The following TMEM74 variants were observed in gnomAD, a reference collection of about 807,000 sequenced individuals.
TMEM74 encodes the protein transmembrane protein 74.
In TMEM74, 13 loss-of-function variants were observed where a neutral mutation model predicts 18.1. That is an observed-to-expected ratio of 0.72 (90% CI 0.47 to 1.14). The LOEUF (loss-of-function observed/expected upper bound fraction) is 1.14, where lower values mean the gene tolerates loss of function less well. Ranked by LOEUF, TMEM74 falls within the 50% of genes most tolerant of loss-of-function variation. The probability of loss-of-function intolerance (pLI) is 0.00; values close to 1 mark genes in which losing one functional copy is unlikely to be tolerated. For missense variants in TMEM74, 372 were observed against 375.9 expected, an observed-to-expected ratio of 0.99 and a Z score of 0.09; for synonymous variants, 159 against 146.6, an observed-to-expected ratio of 1.08 and a Z score of -0.61.
intron 2 of TMEM74, among the ~76,000 whole-genome samples, chr8:108,609,824 A>G (rs60231103): frequency 6.6e-6 from 1 of 152,210 alleles, no homozygotes; most frequent in Admixed American, 6.5e-5. Flanking sequence ...CATCCCTTCC[A>G]TTAAAATCCT....
chr8:108,634,689 A>T (rs1363102939), intron 2 of TMEM74, among the ~76,000 whole-genome samples: 1 of 152,006 alleles, frequency 6.6e-6, no homozygotes, highest in Non-Finnish European at 1.5e-5. Flanking sequence ...GCATGTGGGG[A>T]AAGAGTTTCC....
At chr8:108,749,939 T>C (rs1813887951) in intron 1 of TMEM74, among the ~76,000 whole-genome samples, 1 of 152,088 alleles carries the variant, frequency 6.6e-6, no homozygotes, top group Admixed American at 6.6e-5. Flanking sequence ...GTCTTCAAAG[T>C]CTCCCTGCTT....
At chr8:108,705,470 C>T (rs1813387919) in intron 1 of TMEM74, among the ~76,000 whole-genome samples, 1 of 152,134 alleles carries the variant, frequency 6.6e-6, no homozygotes, top group Admixed American at 6.6e-5. Context: ...CTACCTCTAG[C>T]CCATATGGTT....
intron 1 of TMEM74, among the ~76,000 whole-genome samples, chr8:108,678,785 C>T (rs5007783): frequency 0.73 from 109,786 of 149,648 alleles, 40,945 homozygotes; most frequent in East Asian, 0.99. Context: ...TTAGGGTACA[C>T]ATGCACAATG....
chr8:108,764,828 C>T (rs1188136568), intron 1 of TMEM74, among the ~76,000 whole-genome samples: 1 of 152,134 alleles, frequency 6.6e-6, no homozygotes, highest in Non-Finnish European at 1.5e-5. Flanking sequence ...TCTTTAAAAA[C>T]ATTCTTTACT....
exon 4 of TMEM74, chr8:108,607,753 A>G (rs948059318): frequency 2.0e-5 from 3 of 152,200 alleles, no homozygotes; most frequent in African/African-American, 7.2e-5. Context: ...GTATTCTTTT[A>G]AGTTCTGCAA....
chr8:108,661,378 C>T (rs1330162771), intron 1 of TMEM74, among the ~76,000 whole-genome samples: 52 of 86,722 alleles, frequency 6.0e-4, no homozygotes, highest in Admixed American at 1.3e-3. Flanking sequence ...CCTTGCAGCT[C>T]TTTTTTTTTT....
At chr8:108,677,053 G>GT (rs916312028) in intron 1 of TMEM74, among the ~76,000 whole-genome samples, 1 of 152,200 alleles carries the variant, frequency 6.6e-6, no homozygotes, top group African/African-American at 2.4e-5. Context: ...GGCACTTACA[G>GT]TTTAACCTTC....
intron 1 of TMEM74, among the ~76,000 whole-genome samples, chr8:108,660,104 G>T (rs996226378): frequency 6.6e-6 from 1 of 152,072 alleles, no homozygotes; most frequent in Admixed American, 6.6e-5. Context: ...TTTGGCATCT[G>T]CTTCCAAAGA....
intron 1 of TMEM74, among the ~76,000 whole-genome samples, chr8:108,700,255 T>C (rs1045572926): frequency 2.6e-5 from 4 of 151,664 alleles, no homozygotes; most frequent in African/African-American, 9.7e-5. Flanking sequence ...GGGGGGATGT[T>C]AGCACCACTC....
intron 2 of TMEM74, among the ~76,000 whole-genome samples, chr8:108,649,280 C>T (rs2130569552): frequency 6.6e-6 from 1 of 152,144 alleles, no homozygotes; most frequent in Non-Finnish European, 1.5e-5. Flanking sequence ...TGCTTTGAGA[C>T]TCAGATGCAA....
chr8:108,740,626 G>A (rs890633235), intron 1 of TMEM74, among the ~76,000 whole-genome samples: 2 of 152,140 alleles, frequency 1.3e-5, no homozygotes, highest in African/African-American at 4.8e-5. Context: ...ATGTTTCTGT[G>A]TCACATTTTT....
intron 1 of TMEM74, among the ~76,000 whole-genome samples, chr8:108,703,710 C>T (rs57983314): frequency 0.029 from 4,473 of 152,242 alleles, 122 homozygotes; most frequent in African/African-American, 0.066. Context: ...CTACTACATG[C>T]CAGAAACTGT....
intron 2 of TMEM74, among the ~76,000 whole-genome samples, chr8:108,619,216 T>C (rs1812414425): frequency 6.6e-6 from 1 of 152,180 alleles, no homozygotes; most frequent in African/African-American, 2.4e-5. Context: ...AAATAAGTAT[T>C]AGAAAATAAA....
chr8:108,745,530 T>C (rs1302962037), intron 1 of TMEM74, among the ~76,000 whole-genome samples: 2 of 152,182 alleles, frequency 1.3e-5, no homozygotes, highest in African/African-American at 4.8e-5. Context: ...GGGCTGGATT[T>C]GTCCCACGGG....
chr8:108,665,936 A>T (rs1269846688), intron 1 of TMEM74, among the ~76,000 whole-genome samples: 1 of 152,174 alleles, frequency 6.6e-6, no homozygotes, highest in East Asian at 1.9e-4. Flanking sequence ...AGAATATATC[A>T]TTCAATTAGA....
intron 2 of TMEM74, among the ~76,000 whole-genome samples, chr8:108,609,966 GA>G (rs1360353024): frequency 6.6e-6 from 1 of 152,148 alleles, no homozygotes; most frequent in African/African-American, 2.4e-5. Flanking sequence ...AACAGAAGAA[GA>G]AAGATAGTAA....
intron 2 of TMEM74, among the ~76,000 whole-genome samples, chr8:108,621,145 G>A (rs1812436409): frequency 6.6e-6 from 1 of 152,170 alleles, no homozygotes; most frequent in African/African-American, 2.4e-5. Context: ...CAGGTAGTCT[G>A]TTTAAGAGGT....
At chr8:108,778,402 G>A (rs923238393), downstream of TMEM74, among the ~76,000 whole-genome samples, 8 of 152,292 alleles carry the variant, frequency 5.3e-5, no homozygotes, top group African/African-American at 7.2e-5. Flanking sequence ...CTGCTGACCT[G>A]CAAGGGTCAT....
Sources: gnomAD v4.1 joint callset for allele counts (sites outside exome capture counted in the v4.1 genomes callset) on GRCh38, gnomAD v4.1.1 for gene constraint, MANE v1.5 for transcripts, NCBI Gene and HGNC (gene_info 2026-07-23, HGNC 2026-07-21) for gene names.